The following PGLYRP4 variants were observed in gnomAD, a reference collection of about 807,000 sequenced individuals.
The protein encoded by PGLYRP4 is PGRP-I-beta.
PGLYRP4 carries 39 observed loss-of-function variants against 41.2 expected under a neutral mutation model. That is an observed-to-expected ratio of 0.95 (90% confidence interval 0.73 to 1.24). The LOEUF (loss-of-function observed/expected upper bound fraction) is 1.24. Ranked by LOEUF, PGLYRP4 falls within the 50% of genes most tolerant of loss-of-function variation. PGLYRP4 has a pLI of 0.00. For synonymous variants in PGLYRP4, 202 were observed against 186.8 expected (o/e 1.08, Z -0.66); for missense variants, 467 against 460.7 (o/e 1.01, Z -0.13).
chr1:153,340,055 C>T (rs766290541), intron 7 of PGLYRP4, among the ~76,000 whole-genome samples: 7 of 152,302 alleles, frequency 4.6e-5, no homozygotes, highest in East Asian at 1.9e-4. Context: ...CACAATCTTT[C>T]GATTATCTTT....
At chr1:153,337,407 T>A in intron 7 of PGLYRP4, 108 bp from the exon 8 acceptor site, 2 of 680,254 alleles carry the variant, frequency 2.9e-6, no homozygotes, top group Non-Finnish European at 5.0e-6. Flanking sequence ...TTTGATTATC[T>A]ATTGGATTCT....
chr1:153,344,010 TG>T (rs1479570752), intron 4 of PGLYRP4, among the ~76,000 whole-genome samples: 2 of 151,674 alleles, frequency 1.3e-5, no homozygotes, highest in Non-Finnish European at 2.9e-5. Context: ...TGGGGGGCGG[TG>T]GGGATATGCC....
chr1:153,333,537 C>A (rs1316440648), intron 8 of PGLYRP4, among the ~76,000 whole-genome samples: 2 of 152,150 alleles, frequency 1.3e-5, no homozygotes, highest in Non-Finnish European at 2.9e-5. Flanking sequence ...TTCCCAAAAA[C>A]TGAGGAGGAG....
At chr1:153,341,819 G>A (rs771550541) in intron 5 of PGLYRP4, 40 bp from the exon 6 acceptor site, 11 of 1,582,266 alleles carry the variant, frequency 7.0e-6, no homozygotes, top group Non-Finnish European at 9.5e-6. Flanking sequence ...CACCCAGCCT[G>A]AGTTTCAGGG....
At chr1:153,347,797 T>C in intron 2 of PGLYRP4, 87 bp downstream of exon 2, 1 of 979,694 alleles carries the variant, frequency 1.0e-6, no homozygotes, top group Non-Finnish European at 1.6e-6. Context: ...CAGGCTCAGA[T>C]GGACAGTAGG....
chr1:153,336,449 G>A lies in PGLYRP4; in HGVS notation c.943+732C>T, dbSNP rs1164693421. ...TTACAGCAACATAAGTGGAAATGGA[G>A]GCCATATTCCTAAGTGAAATGACTC... On this transcript the variant is annotated intron_variant, in intron 8 of 8. Coordinates refer to ENST00000359650, the MANE Select transcript of PGLYRP4 (RefSeq NM_020393.4). Among the ~76,000 whole-genome samples, 3 of 150,724 alleles carry A rather than the reference G, an allele frequency of 2.0e-5. No individual in the cohort carries two copies. In the East Asian group the frequency reaches 5.8e-4, roughly 29 times the overall value.
intron 8 of PGLYRP4, among the ~76,000 whole-genome samples, chr1:153,334,783 A>T (rs2101553417): frequency 6.6e-6 from 1 of 152,306 alleles, no homozygotes; most frequent in Non-Finnish European, 1.5e-5. Context: ...TGGAGGTATC[A>T]TATTACCTGA....
At chr1:153,345,472 G>T in intron 3 of PGLYRP4, 90 bp from the exon 4 acceptor site, 2 of 1,174,728 alleles carry the variant, frequency 1.7e-6, no homozygotes, top group Non-Finnish European at 2.5e-6. Flanking sequence ...TCGGCCCCTT[G>T]GTAGTGGAAG....
In PGLYRP4 at chr1:153,347,649, A is replaced by T. The variant is rs2916208; in HGVS notation, c.49+235T>A. 0.81 allele frequency among the ~76,000 whole-genome samples: 123,128 copies of T among 152,114 alleles called. 50,152 individuals are homozygous for T. Among genetic ancestry groups the T allele is most frequent in the Middle Eastern group, 0.87 (255 of 294 alleles). ...GGCCTCCCAAAGTGCTGGGATTACA[A>T]GCATAAGCCACCACCCCTGGCCAAG... On this transcript the variant is annotated intron_variant, in intron 2 of 8. Coordinates refer to ENST00000359650, the MANE Select transcript of PGLYRP4 (RefSeq NM_020393.4).
At chr1:153,334,464 TTATTTATATA>T (rs1660463969) in intron 8 of PGLYRP4, among the ~76,000 whole-genome samples, 1 of 57,164 alleles carries the variant, frequency 1.7e-5, no homozygotes, top group Non-Finnish European at 4.3e-5. Flanking sequence ...ATATATATAT[TTATTTATATA>T]TATTTATATA....
Position 153,347,892 on chromosome 1 carries a change from T to TGGAG in PGLYRP4, c.40_41insCTCC (p.Gln14ProfsTer6), listed in dbSNP as rs1471482361. On this transcript the variant is annotated frameshift_variant, in exon 2 of 9. Coordinates refer to ENST00000359650, the MANE Select transcript of PGLYRP4 (RefSeq NM_020393.4). LOFTEE classifies it high-confidence loss of function. ...AGGGAAAGAAAACTTACCCCAGGCC[T>TGGAG]GGATACCCAGAGCAGAGAAGACAAG... 6.2e-7 allele frequency: 1 copy of TGGAG among 1,613,004 alleles called. No homozygotes were observed.
At chr1:153,332,074 C>T (rs1018115125) in intron 8 of PGLYRP4, among the ~76,000 whole-genome samples, 10 of 151,990 alleles carry the variant, frequency 6.6e-5, no homozygotes, top group African/African-American at 2.4e-4. Flanking sequence ...CAAGAAACCC[C>T]CTAACTGGTA....
In PGLYRP4 at chr1:153,330,899, G is replaced by T; in HGVS notation, c.990C>A (p.Ile330=). 3 of 1,614,020 alleles carry T rather than the reference G, an allele frequency of 1.9e-6. No individual in the cohort carries two copies. Among genetic ancestry groups the T allele is most frequent in the Non-Finnish European group, 2.5e-6 (3 of 1,179,956 alleles). The change falls in exon 9 of 9, where the codon ATC becomes ATA. Residue 330 remains isoleucine, a synonymous_variant. Transcript: ENST00000359650. ...GGTACCCTTTGACCATGGCACACTG[G>T]ATCAGGTCTTGGGCTGCCTCTAGTG... ...AAALEAAQDL[I]QCAMVKGYLT...
intron 7 of PGLYRP4, among the ~76,000 whole-genome samples, chr1:153,339,774 GA>G (rs5777857): frequency 0.82 from 123,826 of 151,648 alleles, 50,751 homozygotes; most frequent in Middle Eastern, 0.87. Flanking sequence ...GCTTAATGGG[GA>G]AAAAAAAAAG....
intron 8 of PGLYRP4, among the ~76,000 whole-genome samples, chr1:153,336,051 T>C (rs1015513146): frequency 2.0e-4 from 11 of 55,582 alleles, no homozygotes; most frequent in African/African-American, 5.1e-4. Context: ...CGTGCGTGTG[T>C]GTGTGTGTGT....
At chr1:153,346,224 G>T in intron 2 of PGLYRP4, 33 bp from the exon 3 acceptor site, 2 of 1,516,320 alleles carry the variant, frequency 1.3e-6, no homozygotes, top group Non-Finnish European at 1.8e-6. Flanking sequence ...GCATCAGAGA[G>T]CACCAATACC....
intron 8 of PGLYRP4, among the ~76,000 whole-genome samples, 189 bp from the exon 9 acceptor site, chr1:153,331,134 G>A (rs2101545087): frequency 6.6e-6 from 1 of 152,308 alleles, no homozygotes; most frequent in African/African-American, 2.4e-5. Context: ...AATCAAAAGA[G>A]CCAAGCCTGG....
chr1:153,346,288 C>A (rs894843125), intron 2 of PGLYRP4, 97 bp from the exon 3 acceptor site: 1 of 879,728 alleles, frequency 1.1e-6, no homozygotes. Context: ...CTCTCCACTG[C>A]CCCTCTGCCT....
chr1:153,334,916 T>A (rs575174004), intron 8 of PGLYRP4, among the ~76,000 whole-genome samples: 11 of 152,234 alleles, frequency 7.2e-5, no homozygotes, highest in African/African-American at 2.6e-4. Context: ...TACACACAAC[T>A]GATCTTTGAC....
Sources: allele counts gnomAD v4.1 joint callset (sites outside exome capture counted in the v4.1 genomes callset), GRCh38; gene constraint gnomAD v4.1.1; transcripts MANE v1.5; gene names NCBI Gene and HGNC (gene_info 2026-07-23, HGNC 2026-07-21).